Variants in CACHD1 observed in about 807,000 individuals in gnomAD.
CACHD1 encodes cache domain containing 1.
CACHD1 carries 71 observed loss-of-function variants against 138.7 expected under a neutral mutation model. That is an observed-to-expected ratio of 0.51 (90% CI 0.42 to 0.62). The LOEUF is 0.62. Among genes scored for constraint, CACHD1 ranks in the 20% least tolerant of loss-of-function variants. The pLI is 0.00. For missense variants in CACHD1, 1,389 were observed against 1,625.3 expected (o/e 0.85, Z 2.50); for synonymous variants, 578 against 591.5 (o/e 0.98, Z 0.33).
intron 13 of CACHD1, among the ~76,000 whole-genome samples, chr1:64,660,793 G>T (rs1371311057): frequency 6.6e-6 from 1 of 152,138 alleles, no homozygotes; most frequent in Non-Finnish European, 1.5e-5. Context: ...GCCTCCCAAA[G>T]TGCTGGGATT....
At chr1:64,496,612 T>TGA (rs1646307508) in intron 1 of CACHD1, among the ~76,000 whole-genome samples, 1 of 152,070 alleles carries the variant, frequency 6.6e-6, no homozygotes, top group Non-Finnish European at 1.5e-5. Context: ...AGCCTTTGGG[T>TGA]GAAACTAGAG....
Position 64,641,854 on chromosome 1 carries a change from C to T in CACHD1, c.1041C>T (p.Gly347=). ...TGGTCATCATTTACCTGTCAGCTGG[C>T]ATTACATCAAAGGACTCTTCGGAAG... ...TDMVIIYLSA[G]ITSKDSSEED... Residue 347 remains glycine (G), a synonymous_variant, in exon 8 of 27, where the codon GGC becomes GGT. Coordinates refer to ENST00000651257, the MANE Select transcript of CACHD1 (RefSeq NM_020925.4). The T allele has an allele frequency of 7.9e-7, 1 of 1,270,864 alleles. No homozygotes were observed. Among genetic ancestry groups the T allele is most frequent in the Non-Finnish European group, 1.1e-6 (1 of 932,894 alleles). The allele number at this position is 1,270,864 out of a possible 1,614,324, so 78.7% of individuals were successfully genotyped here.
chr1:64,679,513 T>A, intron 23 of CACHD1, 82 bp from the exon 24 acceptor site: 1 of 1,493,132 alleles, frequency 6.7e-7, no homozygotes, highest in Non-Finnish European at 9.2e-7. Context: ...TCCCACTGTA[T>A]TCCCTCCCAT....
intron 3 of CACHD1, among the ~76,000 whole-genome samples, chr1:64,594,973 G>A (rs1647138189): frequency 6.6e-6 from 1 of 152,170 alleles, no homozygotes; most frequent in African/African-American, 2.4e-5. Flanking sequence ...TTATTAACTT[G>A]TTAACATTGG....
In CACHD1 at chr1:64,522,357, G is replaced by C. The variant is rs570578371; in HGVS notation, c.199-28237G>C. 4.6e-5 allele frequency among the ~76,000 whole-genome samples: 7 copies of C among 151,744 alleles called. No individual in the cohort carries two copies. In the East Asian group the frequency reaches 1.4e-3, roughly 29 times the overall value. ...GAAGCTCGCTGTGTCTCCCAGACTAGAGTGCAGTGGCATGATCTCGGCTCA... is the reference window on the plus strand; with the variant it reads ...GAAGCTCGCTGTGTCTCCCAGACTACAGTGCAGTGGCATGATCTCGGCTCA... On this transcript the variant is annotated intron_variant, in intron 1 of 26. Transcript: ENST00000651257.
chr1:64,593,323 A>C (rs938031680), intron 3 of CACHD1, among the ~76,000 whole-genome samples: 1 of 152,198 alleles, frequency 6.6e-6, no homozygotes, highest in Non-Finnish European at 1.5e-5. Context: ...GCTGACCCAT[A>C]AGTTGGCAAC....
chr1:64,507,141 C>T (rs1241634430), intron 1 of CACHD1, among the ~76,000 whole-genome samples: 2 of 152,172 alleles, frequency 1.3e-5, no homozygotes, highest in Non-Finnish European at 2.9e-5. Context: ...GAAGGTTGTT[C>T]TTGATGTGTT....
At chr1:64,651,756 T>C (rs1649104825) in intron 9 of CACHD1, among the ~76,000 whole-genome samples, 1 of 152,244 alleles carries the variant, frequency 6.6e-6, no homozygotes, top group Non-Finnish European at 1.5e-5. Context: ...AGCTGGACTA[T>C]TAAGTACAGT....
At chr1:64,601,757 A>C (rs1024498295) in intron 3 of CACHD1, among the ~76,000 whole-genome samples, 2 of 152,202 alleles carry the variant, frequency 1.3e-5, no homozygotes, top group African/African-American at 4.8e-5. Context: ...TCCTAGCTTT[A>C]TAGCTTCTCT....
At chr1:64,487,101 A>G (rs1646247287) in intron 1 of CACHD1, among the ~76,000 whole-genome samples, 2 of 152,186 alleles carry the variant, frequency 1.3e-5, no homozygotes, top group Admixed American at 1.3e-4. Flanking sequence ...ATGAGCGAGG[A>G]TAGGATCACT....
chr1:64,679,739 C>G lies in CACHD1; in HGVS notation c.3389C>G (p.Ser1130Cys). Reference protein sequence around the residue: ...QIHRRSHQHMSPLAAQEMSVR... With the variant: ...QIHRRSHQHMCPLAAQEMSVR... Reference sequence around the variant, plus strand: ...CATCGCCGGAGCCATCAGCATATGTCTCCTCTTGCTGCCCAAGGTGAGCTC... The same window carrying G: ...CATCGCCGGAGCCATCAGCATATGTGTCCTCTTGCTGCCCAAGGTGAGCTC... Residue 1130 changes from serine to cysteine, a missense_variant, in exon 24 of 27, where the codon TCT becomes TGT. This residue lies in a region of CACHD1 where 250 missense variants were observed against 292.9 expected (regional missense o/e 0.85). Coordinates refer to ENST00000651257, the MANE Select transcript of CACHD1 (RefSeq NM_020925.4). 2.5e-6 allele frequency: 4 copies of G among 1,613,898 alleles called. No individual in the cohort carries two copies. Among genetic ancestry groups the G allele is most frequent in the Non-Finnish European group, 3.4e-6 (4 of 1,180,030 alleles).
At position 64,582,016 on chromosome 1, in the gene CACHD1, A is replaced by G. The variant is rs1647016760; in HGVS notation, c.262-140A>G. On this transcript the variant is annotated intron_variant, in intron 2 of 26. Transcript: ENST00000651257. ...TTTATCTCAACCCACACAGGGGAATATGACTTGGGTGTGTGTTGTTTGTTT... is the reference window on the plus strand; with the variant it reads ...TTTATCTCAACCCACACAGGGGAATGTGACTTGGGTGTGTGTTGTTTGTTT... 3.3e-6 allele frequency: 3 copies of G among 908,688 alleles called. No individual in the cohort carries two copies. The Admixed American group carries it at 8.3e-5, about 25-fold the overall frequency. 56.3% of individuals were successfully genotyped at this position (908,688 alleles called of 1,614,324 possible). A position where few individuals can be genotyped will look rare whatever the true frequency, so the allele number is the denominator to read the frequency against.
intron 1 of CACHD1, among the ~76,000 whole-genome samples, chr1:64,472,433 G>T (rs553377593): frequency 6.6e-6 from 1 of 152,216 alleles, no homozygotes; most frequent in Non-Finnish European, 1.5e-5. Context: ...GGACTGAGGA[G>T]TGGATGGATT....
At chr1:64,641,062 T>C (rs1648696907) in intron 7 of CACHD1, among the ~76,000 whole-genome samples, 1 of 152,012 alleles carries the variant, frequency 6.6e-6, no homozygotes, top group African/African-American at 2.4e-5. Context: ...TTGTAGTTTC[T>C]TTTTTTTCTC....
At chr1:64,547,666 C>T (rs774922836) in intron 1 of CACHD1, among the ~76,000 whole-genome samples, 12 of 152,146 alleles carry the variant, frequency 7.9e-5, no homozygotes, top group Non-Finnish European at 1.2e-4. Flanking sequence ...CGCACCCAGC[C>T]TAAGCCTGAA....
At position 64,490,574 on chromosome 1, in the gene CACHD1, C is replaced by T. The variant is rs79766151; in HGVS notation, c.198+19632C>T. Among the ~76,000 whole-genome samples, 726 of 152,322 alleles carry T rather than the reference C, an allele frequency of 4.8e-3. 5 individuals are homozygous for T. Among genetic ancestry groups the T allele is most frequent in the African/African-American group, 0.017 (698 of 41,570 alleles). ...CTTCTCAGAAGATGTGTGTACCCTT[C>T]AGACATCTGAGGGGAGAGAATGTAC... On this transcript the variant is annotated intron_variant, in intron 1 of 26. Transcript: ENST00000651257.
chr1:64,673,878 T>G (rs1649898591), intron 19 of CACHD1, among the ~76,000 whole-genome samples: 2 of 152,240 alleles, frequency 1.3e-5, no homozygotes, highest in Admixed American at 6.5e-5. Context: ...TCATTTGCTC[T>G]ATGAGATGGG....
chr1:64,638,311 A>G (rs1234632420), intron 7 of CACHD1, among the ~76,000 whole-genome samples: 1 of 152,218 alleles, frequency 6.6e-6, no homozygotes, highest in East Asian at 1.9e-4. Context: ...AGGTTATTCA[A>G]ATAATAAGAC....
intron 19 of CACHD1, 48 bp from the exon 20 acceptor site, chr1:64,675,352 AG>A (rs767067979): frequency 6.9e-7 from 1 of 1,459,406 alleles, no homozygotes; most frequent in Admixed American, 1.8e-5. Context: ...GGTAGGGCTG[AG>A]TCTTTGCATT....
Sources: allele counts gnomAD v4.1 joint callset (sites outside exome capture counted in the v4.1 genomes callset), GRCh38; gene constraint gnomAD v4.1.1; regional missense constraint gnomAD v4.1.1; transcripts MANE v1.5; gene names NCBI Gene and HGNC (gene_info 2026-07-23, HGNC 2026-07-21).